SCFD2: variants seen among roughly 807,000 people sequenced by gnomAD.
The protein encoded by SCFD2 is sec1 family domain containing 2, also known as sec1 family domain-containing protein 2.
In SCFD2, 54 loss-of-function variants were observed where a neutral mutation model predicts 58.9. That is an observed-to-expected ratio of 0.92 (90% CI 0.74 to 1.15). SCFD2 has a LOEUF of 1.15. Ranked by LOEUF, SCFD2 falls within the 50% of genes most tolerant of loss-of-function variation. The probability of loss-of-function intolerance (pLI) is 0.00; values close to 1 mark genes in which losing one functional copy is unlikely to be tolerated. For missense variants in SCFD2, 805 were observed against 836.6 expected (o/e 0.96, Z 0.47); for synonymous variants, 321 against 335.9 (o/e 0.96, Z 0.49).
intron 2 of SCFD2, among the ~76,000 whole-genome samples, chr4:53,351,936 CAG>C (rs1734232073): frequency 2.0e-5 from 3 of 152,140 alleles, no homozygotes; most frequent in African/African-American, 7.2e-5. Flanking sequence ...AAATAAAAAA[CAG>C]ATACACTTAC....
chr4:53,278,605 T>C (rs1219955935), intron 3 of SCFD2, among the ~76,000 whole-genome samples: 1 of 152,030 alleles, frequency 6.6e-6, no homozygotes, highest in African/African-American at 2.4e-5. Context: ...ACCATATTTA[T>C]GTAACGTCAC....
intron 5 of SCFD2, among the ~76,000 whole-genome samples, chr4:52,945,432 C>G (rs1357335698): frequency 6.6e-6 from 1 of 152,170 alleles, no homozygotes; most frequent in African/African-American, 2.4e-5. Flanking sequence ...ATCCTCTCCC[C>G]CTCAACACAT....
At chr4:52,934,253 CA>C (rs1720071993) in intron 5 of SCFD2, among the ~76,000 whole-genome samples, 1 of 152,120 alleles carries the variant, frequency 6.6e-6, no homozygotes, top group East Asian at 1.9e-4. Context: ...AAAAAATGTG[CA>C]AATTGTTCAG....
At chr4:53,346,919 AT>A (rs1734074091) in intron 2 of SCFD2, among the ~76,000 whole-genome samples, 1 of 152,184 alleles carries the variant, frequency 6.6e-6, no homozygotes, top group South Asian at 2.1e-4. Flanking sequence ...ATGTCTATTT[AT>A]TTTTAATAAC....
intron 7 of SCFD2, among the ~76,000 whole-genome samples, chr4:52,901,188 C>T (rs150249150): frequency 1.3e-3 from 197 of 152,316 alleles, no homozygotes; most frequent in Non-Finnish European, 1.6e-3. Context: ...GAGATGAACC[C>T]GGTACCTCAG....
At chr4:52,879,228 C>T (rs1718548441) in intron 8 of SCFD2, among the ~76,000 whole-genome samples, 1 of 152,204 alleles carries the variant, frequency 6.6e-6, no homozygotes, top group African/African-American at 2.4e-5. Flanking sequence ...CTTGGCCCAG[C>T]CACCATACCT....
chr4:53,140,699 G>A (rs1726109918), intron 5 of SCFD2, among the ~76,000 whole-genome samples: 1 of 152,086 alleles, frequency 6.6e-6, no homozygotes, highest in Non-Finnish European at 1.5e-5. Flanking sequence ...AACATAATGG[G>A]ATGGTTGAGC....
intron 5 of SCFD2, among the ~76,000 whole-genome samples, chr4:53,032,403 A>G (rs1267209782): frequency 6.6e-6 from 1 of 152,216 alleles, no homozygotes; most frequent in Non-Finnish European, 1.5e-5. Flanking sequence ...ATAACCAGCT[A>G]GCATCATACT....
At chr4:53,049,289 A>G (rs1723124932) in intron 5 of SCFD2, among the ~76,000 whole-genome samples, 2 of 152,194 alleles carry the variant, frequency 1.3e-5, no homozygotes, top group Admixed American at 6.5e-5. Flanking sequence ...TGTCTGGCAC[A>G]CTCATAACCT....
intron 1 of SCFD2, among the ~76,000 whole-genome samples, chr4:53,353,372 T>G (rs975677579): frequency 2.0e-5 from 3 of 152,168 alleles, no homozygotes; most frequent in African/African-American, 7.2e-5. Context: ...CATAAAGGCA[T>G]GCACGGACCC....
At chr4:52,937,714 G>A (rs909395277) in intron 5 of SCFD2, among the ~76,000 whole-genome samples, 5 of 152,158 alleles carry the variant, frequency 3.3e-5, no homozygotes, top group Admixed American at 3.3e-4. Flanking sequence ...CACCAACTGA[G>A]GGTGTGAAGA....
intron 5 of SCFD2, among the ~76,000 whole-genome samples, chr4:53,078,576 C>T (rs903621738): frequency 1.3e-5 from 2 of 152,124 alleles, no homozygotes; most frequent in Non-Finnish European, 2.9e-5. Context: ...TGACTCTATG[C>T]GCTAGTAATG....
At chr4:53,013,513 T>C (rs1722143695) in intron 5 of SCFD2, among the ~76,000 whole-genome samples, 1 of 152,220 alleles carries the variant, frequency 6.6e-6, no homozygotes, top group African/African-American at 2.4e-5. Flanking sequence ...CCTCATTCAT[T>C]CAATTAGTCA....
intron 5 of SCFD2, among the ~76,000 whole-genome samples, chr4:52,944,669 A>G (rs1353227703): frequency 6.6e-6 from 1 of 152,368 alleles, no homozygotes; most frequent in Non-Finnish European, 1.5e-5. Context: ...CATGTTTAAC[A>G]TAATAGATAC....
At chr4:52,950,730 G>A (rs1311207978) in intron 5 of SCFD2, 2 of 152,078 alleles carry the variant, frequency 1.3e-5, no homozygotes, top group Non-Finnish European at 2.9e-5. Flanking sequence ...AAAGAGACTT[G>A]GGGATATAGT....
At chr4:53,356,553 A>G (rs1734405568) in intron 1 of SCFD2, among the ~76,000 whole-genome samples, 1 of 151,766 alleles carries the variant, frequency 6.6e-6, no homozygotes, top group African/African-American at 2.4e-5. Context: ...AGCCTCCTGA[A>G]GAGCTGGCAC....
intron 4 of SCFD2, among the ~76,000 whole-genome samples, chr4:53,219,947 C>T (rs1211487845): frequency 6.6e-6 from 1 of 152,192 alleles, no homozygotes; most frequent in African/African-American, 2.4e-5. Flanking sequence ...CAAACACTCA[C>T]ACCACAGCAG....
chr4:53,282,553 C>T (rs1249020438), intron 3 of SCFD2, among the ~76,000 whole-genome samples: 1 of 151,990 alleles, frequency 6.6e-6, no homozygotes, highest in Non-Finnish European at 1.5e-5. Flanking sequence ...TTGGTATATT[C>T]ACAGAGTTGT....
At chr4:52,991,744 TG>T (rs1173871574) in intron 5 of SCFD2, among the ~76,000 whole-genome samples, 1 of 144,938 alleles carries the variant, frequency 6.9e-6, no homozygotes, top group Non-Finnish European at 1.5e-5. Flanking sequence ...AAACTGGGGG[TG>T]TAGCTGTAGC....
Sources: allele counts gnomAD v4.1 joint callset (sites outside exome capture counted in the v4.1 genomes callset), GRCh38; gene constraint gnomAD v4.1.1; transcripts MANE v1.5; gene names NCBI Gene and HGNC (gene_info 2026-07-23, HGNC 2026-07-21).